The following CNTNAP2 variants were observed in gnomAD, a reference collection of about 807,000 sequenced individuals.
CNTNAP2 encodes contactin-associated protein-like 2.
CNTNAP2 carries 98 observed loss-of-function variants against 155.2 expected under a neutral mutation model. The observed-to-expected ratio is 0.63, with a 90% CI of 0.54 to 0.75. CNTNAP2 has a LOEUF of 0.75. Among genes scored for constraint, CNTNAP2 ranks in the 30% least tolerant of loss-of-function variants. The pLI is 0.00. For missense variants in CNTNAP2, 1,727 were observed against 1,688.1 expected (o/e 1.02, Z -0.40); for synonymous variants, 651 against 631.2 (o/e 1.03, Z -0.47).
At chr7:147,076,005 C>A (rs11971234) in intron 4 of CNTNAP2, among the ~76,000 whole-genome samples, 1,800 of 152,240 alleles carry the variant, frequency 0.012, 19 homozygotes, top group African/African-American at 0.033. Flanking sequence ...TGTATATATG[C>A]CACATTTTCT....
At chr7:147,438,315 C>G (rs1351235670) in intron 10 of CNTNAP2, among the ~76,000 whole-genome samples, 1 of 151,904 alleles carries the variant, frequency 6.6e-6, no homozygotes. Context: ...GAGTTTTTAT[C>G]ATAAAAGGAA....
intron 1 of CNTNAP2, among the ~76,000 whole-genome samples, chr7:146,773,918 T>A (rs895275007): frequency 2.0e-5 from 3 of 152,206 alleles, no homozygotes; most frequent in Non-Finnish European, 4.4e-5. Flanking sequence ...TCTAGTTCCC[T>A]GTTCCTATAA....
At chr7:146,835,421 G>T (rs1241026496) in intron 2 of CNTNAP2, among the ~76,000 whole-genome samples, 1 of 151,950 alleles carries the variant, frequency 6.6e-6, no homozygotes, top group East Asian at 1.9e-4. Context: ...TTTCTTCAAG[G>T]TTTCGAACTG....
chr7:147,190,255 GTAAT>G (rs1802656477), intron 8 of CNTNAP2, among the ~76,000 whole-genome samples: 3 of 152,112 alleles, frequency 2.0e-5, no homozygotes, highest in Non-Finnish European at 4.4e-5. Context: ...ATGTTGTGGT[GTAAT>G]TAAATTTAAA....
intron 1 of CNTNAP2, among the ~76,000 whole-genome samples, chr7:146,185,621 G>A (rs530364888): frequency 1.2e-3 from 182 of 152,288 alleles, no homozygotes; most frequent in African/African-American, 4.3e-3. Context: ...TGCCTGGCAC[G>A]TAGTAAGTGC....
chr7:146,793,491 A>G (rs1802710125), intron 2 of CNTNAP2, among the ~76,000 whole-genome samples: 1 of 152,172 alleles, frequency 6.6e-6, no homozygotes, highest in Non-Finnish European at 1.5e-5. Context: ...GAGAGTCAGA[A>G]TTCATTTATA....
chr7:147,060,960 T>C (rs1799657503), intron 4 of CNTNAP2, among the ~76,000 whole-genome samples: 1 of 152,242 alleles, frequency 6.6e-6, no homozygotes, highest in Non-Finnish European at 1.5e-5. Context: ...GATAACCTTT[T>C]TTATGTTTTT....
intron 15 of CNTNAP2, 151 bp from the exon 16 acceptor site, chr7:148,117,967 G>A (rs966278155): frequency 8.5e-6 from 7 of 819,392 alleles, no homozygotes; most frequent in Non-Finnish European, 1.4e-5. Context: ...AAATATATTT[G>A]TGAGGATTTG....
intron 4 of CNTNAP2, among the ~76,000 whole-genome samples, chr7:147,072,798 A>G (rs1418494891): frequency 6.7e-6 from 1 of 150,012 alleles, no homozygotes; most frequent in East Asian, 2.0e-4. Flanking sequence ...TTTATTTTTG[A>G]GGAGGTGAAC....
At chr7:147,334,248 T>C (rs575251166) in intron 9 of CNTNAP2, among the ~76,000 whole-genome samples, 1 of 152,312 alleles carries the variant, frequency 6.6e-6, no homozygotes, top group Non-Finnish European at 1.5e-5. Context: ...TAATGGGCTC[T>C]GATTTCCTTA....
rs1433331049 is a variant in CNTNAP2 at position 148,118,264 on chromosome 7, G to T, written c.2530G>T (p.Asp844Tyr). The T allele has an allele frequency of 1.2e-6, 2 of 1,614,044 alleles. No individual in the cohort carries two copies. Among genetic ancestry groups the T allele is most frequent in the Non-Finnish European group, 1.7e-6 (2 of 1,180,026 alleles). ...GVFLENMGKE[D>Y]FIKLELKSAT... ...GTTTCTTGAAAATATGGGAAAGGAA[G>T]ATTTCATCAAGCTGGAGCTGAAGTG... Residue 844 changes from aspartate (D) to tyrosine (Y), a missense_variant, in exon 16 of 24, where the codon GAT becomes TAT. Asp to Tyr is a radical substitution (Grantham distance 160, BLOSUM62 -3). Transcript: ENST00000361727.
chr7:147,693,324 G>A (rs149919832), intron 13 of CNTNAP2, among the ~76,000 whole-genome samples: 30 of 151,976 alleles, frequency 2.0e-4, no homozygotes, highest in Admixed American at 1.1e-3. Context: ...GGCTATTTTG[G>A]GTATGTTGCC....
intron 3 of CNTNAP2, among the ~76,000 whole-genome samples, chr7:147,017,032 TA>T (rs58493647): frequency 0.019 from 2,725 of 142,688 alleles, 31 homozygotes; most frequent in Admixed American, 0.023. Context: ...TTTAAGCTAG[TA>T]AAAAAAAAAA....
chr7:147,769,886 T>G (rs560254941), intron 13 of CNTNAP2, among the ~76,000 whole-genome samples: 1 of 152,250 alleles, frequency 6.6e-6, no homozygotes, highest in African/African-American at 2.4e-5. Context: ...CGTAACCAAT[T>G]TCTAGGAGTG....
At chr7:146,865,460 T>G (rs1001822559) in intron 3 of CNTNAP2, among the ~76,000 whole-genome samples, 4 of 151,998 alleles carry the variant, frequency 2.6e-5, no homozygotes, top group Admixed American at 6.6e-5. Context: ...AATATATAGA[T>G]GAAGAGTCCA....
chr7:146,362,739 G>A (rs1322145956), intron 1 of CNTNAP2, among the ~76,000 whole-genome samples: 3 of 148,978 alleles, frequency 2.0e-5, no homozygotes, highest in Non-Finnish European at 4.4e-5. Context: ...AGCAAAAATA[G>A]CAATGATATT....
chr7:147,834,061 A>G (rs144281119), intron 13 of CNTNAP2, among the ~76,000 whole-genome samples: 1 of 152,318 alleles, frequency 6.6e-6, no homozygotes, highest in East Asian at 1.9e-4. Context: ...TTTCCACACT[A>G]GTGAGTCAAT....
chr7:147,063,180 C>G (rs566882686), intron 4 of CNTNAP2, among the ~76,000 whole-genome samples: 53 of 152,206 alleles, frequency 3.5e-4, no homozygotes, highest in African/African-American at 1.3e-3. Context: ...AGTGCTTAGC[C>G]CCATGCTCTT....
At chr7:148,360,642 A>G (rs1354694311) in intron 21 of CNTNAP2, among the ~76,000 whole-genome samples, 1 of 152,160 alleles carries the variant, frequency 6.6e-6, no homozygotes, top group African/African-American at 2.4e-5. Context: ...TGGAGCCCCA[A>G]ACTTACAGAA....
Sources: gnomAD v4.1 joint callset for allele counts (sites outside exome capture counted in the v4.1 genomes callset) on GRCh38, gnomAD v4.1.1 for gene constraint, MANE v1.5 for transcripts, NCBI Gene and HGNC (gene_info 2026-07-23, HGNC 2026-07-21) for gene names.